The following KALRN variants were observed in gnomAD, a reference collection of about 807,000 sequenced individuals.
KALRN encodes the protein kalirin.
In KALRN, 70 loss-of-function variants were observed where a neutral mutation model predicts 353.7. The ratio of observed to expected loss-of-function variants is 0.20; its 90% CI spans 0.16 to 0.24. The LOEUF is 0.24. Among genes scored for constraint, KALRN ranks in the 10% least tolerant of loss-of-function variants. The pLI is 1.00. For missense variants in KALRN, 2,791 were observed against 3,756.7 expected, an observed-to-expected ratio of 0.74 and a Z score of 6.72; for synonymous variants, 1,391 against 1,434.8, an observed-to-expected ratio of 0.97 and a Z score of 0.69.
chr3:124,140,696 A>G (rs1486647032), intron 1 of KALRN, among the ~76,000 whole-genome samples: 1 of 152,082 alleles, frequency 6.6e-6, no homozygotes, highest in Non-Finnish European at 1.5e-5. Context: ...GATGGGAATA[A>G]TTAAGTGTTG....
chr3:124,652,524 C>T (rs933028583), intron 38 of KALRN, among the ~76,000 whole-genome samples: 3 of 152,208 alleles, frequency 2.0e-5, no homozygotes, highest in African/African-American at 7.2e-5. Flanking sequence ...CAAAGCAAAG[C>T]TTAAGTCAGA....
At chr3:124,551,419 C>A (rs1350383925) in intron 33 of KALRN, among the ~76,000 whole-genome samples, 1 of 152,164 alleles carries the variant, frequency 6.6e-6, no homozygotes, top group Non-Finnish European at 1.5e-5. Flanking sequence ...TTGCTGATAC[C>A]AATTCTACTC....
chr3:124,241,162 A>G (rs2080391445), intron 3 of KALRN, among the ~76,000 whole-genome samples: 1 of 152,124 alleles, frequency 6.6e-6, no homozygotes, highest in South Asian at 2.1e-4. Flanking sequence ...ACTTCCCCCA[A>G]AAATAACACT....
chr3:124,641,955 A>G (rs984689517), intron 37 of KALRN, among the ~76,000 whole-genome samples: 1 of 152,116 alleles, frequency 6.6e-6, no homozygotes, highest in Non-Finnish European at 1.5e-5. Flanking sequence ...GAATTCTACT[A>G]TCTTCCTGGC....
chr3:124,156,419 G>C (rs560116009), intron 1 of KALRN, among the ~76,000 whole-genome samples: 2 of 152,196 alleles, frequency 1.3e-5, no homozygotes, highest in African/African-American at 4.8e-5. Flanking sequence ...CTTAAACTTG[G>C]GGCCTGACAA....
chr3:124,681,543 T>C (rs950516917), intron 51 of KALRN, among the ~76,000 whole-genome samples: 2 of 152,106 alleles, frequency 1.3e-5, no homozygotes, highest in African/African-American at 4.8e-5. Context: ...CAAGGAGGCA[T>C]GTTGTTGGAA....
At chr3:124,591,965 T>C (rs968581659) in intron 34 of KALRN, among the ~76,000 whole-genome samples, 1 of 152,140 alleles carries the variant, frequency 6.6e-6, no homozygotes, top group Admixed American at 6.5e-5. Context: ...ACTTCCAGTG[T>C]TGTAATTTCT....
chr3:124,204,418 C>T (rs1391207540), intron 1 of KALRN, among the ~76,000 whole-genome samples: 3 of 152,178 alleles, frequency 2.0e-5, no homozygotes, highest in African/African-American at 7.2e-5. Context: ...TTATTTTTCA[C>T]ATGGGGATTA....
At chr3:124,688,310 CAAAA>C (rs59265829) in intron 51 of KALRN, among the ~76,000 whole-genome samples, 1,991 of 83,200 alleles carry the variant, frequency 0.024, 50 homozygotes, top group African/African-American at 0.084. Flanking sequence ...GAGACCCTGT[CAAAA>C]AAAAAAAAAA....
At chr3:124,429,468 G>T (rs750191464) in intron 15 of KALRN, among the ~76,000 whole-genome samples, 1 of 152,150 alleles carries the variant, frequency 6.6e-6, no homozygotes, top group Non-Finnish European at 1.5e-5. Context: ...TGACAGATGG[G>T]TGGTATTTAC....
intron 11 of KALRN, among the ~76,000 whole-genome samples, chr3:124,388,003 T>C (rs1461036032): frequency 6.6e-6 from 1 of 152,038 alleles, no homozygotes; most frequent in Non-Finnish European, 1.5e-5. Context: ...TATGTATACA[T>C]GCACATATAT....
intron 1 of KALRN, among the ~76,000 whole-genome samples, chr3:124,190,726 T>A (rs537387002): frequency 6.6e-6 from 1 of 152,166 alleles, no homozygotes. Context: ...AATGAAAATG[T>A]TTTTCCTAGT....
At chr3:124,051,696 G>T (rs951675527) in intron 1 of KALRN, among the ~76,000 whole-genome samples, 3 of 152,068 alleles carry the variant, frequency 2.0e-5, no homozygotes, top group Non-Finnish European at 4.4e-5. Context: ...CTCAATCCAG[G>T]GCCATGGAGT....
chr3:124,325,679 A>T (rs1351037680), intron 6 of KALRN, among the ~76,000 whole-genome samples: 1 of 152,186 alleles, frequency 6.6e-6, no homozygotes, highest in East Asian at 1.9e-4. Flanking sequence ...GAATGACTTC[A>T]TAAGATGGTT....
intron 1 of KALRN, among the ~76,000 whole-genome samples, chr3:124,221,897 G>A (rs1292559118): frequency 2.6e-5 from 4 of 152,174 alleles, no homozygotes; most frequent in Non-Finnish European, 5.9e-5. Context: ...CCCCTCCAAG[G>A]GAGAGAATTG....
chr3:124,398,483 A>T (rs1252957088), intron 12 of KALRN, among the ~76,000 whole-genome samples: 1 of 152,176 alleles, frequency 6.6e-6, no homozygotes, highest in Non-Finnish European at 1.5e-5. Context: ...TTGGAAATAG[A>T]CTTGTGAACC....
intron 4 of KALRN, among the ~76,000 whole-genome samples, chr3:124,266,123 C>A (rs1162025252): frequency 3.3e-5 from 5 of 151,982 alleles, no homozygotes; most frequent in Admixed American, 3.3e-4. Flanking sequence ...AAAAACAAAA[C>A]AAAATAAACA....
At chr3:124,480,170 T>C (rs1359731876) in intron 27 of KALRN, among the ~76,000 whole-genome samples, 2 of 152,118 alleles carry the variant, frequency 1.3e-5, no homozygotes, top group African/African-American at 4.8e-5. Flanking sequence ...AGGTGCACTG[T>C]TGCTTGTGCT....
chr3:124,242,992 A>G (rs376107574), intron 3 of KALRN, among the ~76,000 whole-genome samples: 2 of 152,226 alleles, frequency 1.3e-5, no homozygotes, highest in South Asian at 2.1e-4. Flanking sequence ...ATGAAAGACT[A>G]TCAGTAGCAG....
Sources: gnomAD v4.1 joint callset for allele counts (sites outside exome capture counted in the v4.1 genomes callset) on GRCh38, gnomAD v4.1.1 for gene constraint, MANE v1.5 for transcripts, NCBI Gene and HGNC (gene_info 2026-07-23, HGNC 2026-07-21) for gene names.